Variants in CTDP1 observed in about 807,000 individuals in gnomAD.
CTDP1 encodes RNA polymerase II subunit A C-terminal domain phosphatase.
Under a neutral mutation model 91.8 loss-of-function variants are expected in CTDP1, and 47 were observed. The observed-to-expected ratio is 0.51, with a 90% CI of 0.41 to 0.65. The LOEUF is 0.65. Among genes scored for constraint, CTDP1 ranks in the 30% least tolerant of loss-of-function variants. The pLI is 0.00. For missense variants in CTDP1, 1,272 were observed against 1,373.7 expected, an observed-to-expected ratio of 0.93 and a Z score of 1.17; for synonymous variants, 656 against 598.5, an observed-to-expected ratio of 1.10 and a Z score of -1.40.
chr18:79,747,575 G>C (rs1176116348), intron 12 of CTDP1, among the ~76,000 whole-genome samples: 1 of 152,184 alleles, frequency 6.6e-6, no homozygotes, highest in African/African-American at 2.4e-5. Flanking sequence ...CCAGGTCCCC[G>C]CGGAGCCCCC....
intron 7 of CTDP1, 95 bp from the exon 8 acceptor site, chr18:79,714,394 CTT>C: frequency 7.1e-7 from 1 of 1,416,912 alleles, no homozygotes; most frequent in South Asian, 1.2e-5. Flanking sequence ...GGGTGGTGGA[CTT>C]CACAGCCATG....
chr18:79,749,930 A>T (rs1203261244), intron 12 of CTDP1: 2 of 152,290 alleles, frequency 1.3e-5, no homozygotes, highest in African/African-American at 4.8e-5. Context: ...TAGCAACCGG[A>T]GGCCAGACTC....
chr18:79,683,642 C>A (rs746175243), intron 1 of CTDP1, among the ~76,000 whole-genome samples: 16 of 152,256 alleles, frequency 1.1e-4, no homozygotes, highest in Admixed American at 6.5e-5. Context: ...CGCAGGCGAT[C>A]TGACGTTGGA....
chr18:79,710,734 A>G (rs2086066508), intron 6 of CTDP1, among the ~76,000 whole-genome samples: 1 of 108,068 alleles, frequency 9.3e-6, no homozygotes. Flanking sequence ...TTTAGTACAG[A>G]CGGTGGTTTC....
chr18:79,747,921 G>C (rs375264836), intron 12 of CTDP1, among the ~76,000 whole-genome samples: 1 of 152,208 alleles, frequency 6.6e-6, no homozygotes, highest in Non-Finnish European at 1.5e-5. Flanking sequence ...GTGCCAAATC[G>C]TGTGCACTGT....
chr18:79,744,833 G>C (rs193296153), intron 12 of CTDP1, among the ~76,000 whole-genome samples: 2 of 152,164 alleles, frequency 1.3e-5, no homozygotes, highest in Non-Finnish European at 2.9e-5. Context: ...GCCCCTGGAG[G>C]GGCCACAGAC....
At chr18:79,744,826 C>T (rs2086847647) in intron 12 of CTDP1, among the ~76,000 whole-genome samples, 1 of 152,164 alleles carries the variant, frequency 6.6e-6, no homozygotes, top group Non-Finnish European at 1.5e-5. Flanking sequence ...GGATGCTGCC[C>T]CTGGAGGGGC....
Position 79,739,730 on chromosome 18 carries a change from TG to T in CTDP1, c.2747+3212del, listed in dbSNP as rs1224820483. The stretch of plus-strand genomic sequence containing the variant: ...TTGAGATCAGGAGAATAAAGTGTCC[TG>T]GGAGTCTGTTCAGGTTCTGCTGCGC... On this transcript the variant is annotated intron_variant, in intron 12 of 12. Transcript: ENST00000613122. Among the ~76,000 whole-genome samples the T allele has an allele frequency of 4.6e-5, 7 of 152,350 alleles. No homozygotes were observed. In the East Asian group the frequency reaches 1.2e-3, roughly 25 times the overall value.
chr18:79,753,800 G>A lies in CTDP1; in HGVS notation c.*10G>A, dbSNP rs2087050392. The A allele has an allele frequency of 2.5e-6, 4 of 1,612,198 alleles. No homozygotes were observed. Among genetic ancestry groups the A allele is most frequent in the Middle Eastern group, 1.8e-4 (1 of 5,506 alleles). On this transcript the variant is annotated 3_prime_UTR_variant, in exon 13 of 13. Coordinates refer to ENST00000613122, the MANE Select transcript of CTDP1 (RefSeq NM_004715.5). ...CAACGACCTCATGTGAGCGCGGGCA[G>A]CGGGCAGGGACTGAAGCCTGACCGA...
intron 3 of CTDP1, 84 bp from the exon 4 acceptor site, chr18:79,697,776 G>A (rs1344020151): frequency 7.6e-6 from 12 of 1,576,692 alleles, no homozygotes; most frequent in African/African-American, 2.7e-5. Context: ...CATTGATATA[G>A]TTTTGTGTTT....
chr18:79,696,637 C>T (rs892055087), intron 3 of CTDP1, among the ~76,000 whole-genome samples: 20 of 152,180 alleles, frequency 1.3e-4, no homozygotes, highest in Non-Finnish European at 2.5e-4. Flanking sequence ...GTTGGGGGTC[C>T]CAGGAGTGTT....
At chr18:79,718,881 G>A (rs1415210798) in intron 10 of CTDP1, among the ~76,000 whole-genome samples, 2 of 152,200 alleles carry the variant, frequency 1.3e-5, no homozygotes, top group African/African-American at 4.8e-5. Flanking sequence ...CAGAATGCAG[G>A]CTGCTAGAGG....
intron 10 of CTDP1, among the ~76,000 whole-genome samples, chr18:79,726,907 G>A (rs1161170269): frequency 1.5e-5 from 2 of 136,354 alleles, no homozygotes; most frequent in Non-Finnish European, 3.2e-5. Context: ...GGCTGTCGGG[G>A]TGGGATGACG....
At chr18:79,747,627 G>A (rs1348748525) in intron 12 of CTDP1, among the ~76,000 whole-genome samples, 4 of 152,240 alleles carry the variant, frequency 2.6e-5, no homozygotes, top group African/African-American at 7.2e-5. Flanking sequence ...CAGCCCCAAC[G>A]CCGCTCTCAC....
intron 4 of CTDP1, among the ~76,000 whole-genome samples, chr18:79,703,935 C>T (rs887716895): frequency 6.6e-6 from 1 of 151,752 alleles, no homozygotes; most frequent in Non-Finnish European, 1.5e-5. Context: ...GGTGGTTATC[C>T]TAGGCGGGTC....
Position 79,679,837 on chromosome 18 carries a change from G to A in CTDP1, c.-111G>A. ...CGGGCTAGGCGACGGGTGGAAGCCG[G>A]TACCGAGAGGAACTACAGCGTCGCC... On this transcript the variant is annotated 5_prime_UTR_variant, in exon 1 of 13. Transcript: ENST00000613122. 1 of 1,071,968 alleles carries A rather than the reference G, an allele frequency of 9.3e-7. No homozygotes were observed. Among genetic ancestry groups the A allele is most frequent in the South Asian group, 1.6e-5 (1 of 60,936 alleles). 66.4% of individuals were successfully genotyped at this position (1,071,968 alleles called of 1,614,324 possible).
intron 6 of CTDP1, 144 bp from the exon 7 acceptor site, chr18:79,712,828 C>G (rs1729670571): frequency 2.5e-6 from 2 of 788,980 alleles, no homozygotes; most frequent in Non-Finnish European, 2.1e-6. Context: ...ACAGAAAGGG[C>G]TTCGGGGCGG....
chr18:79,687,992 G>A (rs1308981865), intron 1 of CTDP1, among the ~76,000 whole-genome samples: 1 of 152,240 alleles, frequency 6.6e-6, no homozygotes, highest in Non-Finnish European at 1.5e-5. Flanking sequence ...ACGGCTCTGT[G>A]GATGTGTGCA....
chr18:79,739,661 A>G (rs1037153840), intron 12 of CTDP1, among the ~76,000 whole-genome samples: 4 of 151,622 alleles, frequency 2.6e-5, no homozygotes, highest in Admixed American at 6.6e-5. Context: ...TTGCCGTTTC[A>G]CTCTATGTCT....
Sources: allele counts gnomAD v4.1 joint callset (sites outside exome capture counted in the v4.1 genomes callset), GRCh38; gene constraint gnomAD v4.1.1; transcripts MANE v1.5; gene names NCBI Gene and HGNC (gene_info 2026-07-23, HGNC 2026-07-21).